The following JPH1 variants were observed in gnomAD, a reference collection of about 807,000 sequenced individuals.
JPH1 encodes the protein junctophilin 1.
A neutral mutation model predicts 53.6 loss-of-function variants in JPH1; 12 were observed. The observed-to-expected ratio is 0.22, with a 90% confidence interval of 0.14 to 0.36. The LOEUF (loss-of-function observed/expected upper bound fraction) is 0.36, where lower values mean the gene tolerates loss of function less well. JPH1 is among the 10% of genes least tolerant of loss of function. The pLI is 1.00. For missense variants in JPH1, 808 were observed against 905.5 expected (o/e 0.89, Z 1.38); for synonymous variants, 375 against 363.8 (o/e 1.03, Z -0.35).
Position 74,318,501 on chromosome 8 carries a change from A to T in JPH1, c.379+2408T>A, listed in dbSNP as rs1013061222. Among the ~76,000 whole-genome samples, 7 of 152,342 alleles carry T rather than the reference A, an allele frequency of 4.6e-5. No individual in the cohort carries two copies. The East Asian group carries it at 1.3e-3, about 29-fold the overall frequency. The stretch of plus-strand genomic sequence containing the variant: ...GTACAGATCAGAATTAGCACAAAAA[A>T]TTCTGGGCACCTAGACTTGGATTTC... On this transcript the variant is annotated intron_variant, in intron 1 of 5. Coordinates refer to ENST00000342232, the MANE Select transcript of JPH1 (RefSeq NM_020647.4).
chr8:74,238,295 G>A (rs887883769), intron 4 of JPH1, among the ~76,000 whole-genome samples: 15 of 152,108 alleles, frequency 9.9e-5, no homozygotes, highest in African/African-American at 3.4e-4. Flanking sequence ...TTTTGGGTGT[G>A]GGGTAAGTGA....
At chr8:74,297,674 A>G (rs189763149) in intron 2 of JPH1, among the ~76,000 whole-genome samples, 18 of 152,352 alleles carry the variant, frequency 1.2e-4, no homozygotes, top group South Asian at 1.0e-3. Context: ...CCATGTGCTC[A>G]TTCTTTTGCT....
Position 74,244,726 on chromosome 8 carries a change from C to T in JPH1, c.1708G>A (p.Gly570Ser), listed in dbSNP as rs1586731260. The T allele has an allele frequency of 1.9e-6, 3 of 1,614,014 alleles. No homozygotes were observed. Among genetic ancestry groups the T allele is most frequent in the Admixed American group, 1.7e-5 (1 of 59,996 alleles). Reference protein sequence around the residue: ...PQHPPVDVEDGDGSSQSSSAL... With the variant: ...PQHPPVDVEDSDGSSQSSSAL... The stretch of plus-strand genomic sequence containing the variant: ...GAGGAAGACTGGCTGGATCCATCGC[C>T]GTCCTCCACGTCTACTGGAGGGTGC... The change falls in exon 4 of 6, where the codon GGC becomes AGC. Residue 570 changes from glycine to serine, a missense_variant. Around this residue, in one of 2 missense-constraint regions of JPH1, gnomAD observed 756 missense variants for 811.9 expected, o/e 0.93. Transcript: ENST00000342232.
intron 2 of JPH1, among the ~76,000 whole-genome samples, chr8:74,287,130 A>C (rs1807185285): frequency 6.6e-6 from 1 of 152,168 alleles, no homozygotes; most frequent in African/African-American, 2.4e-5. Flanking sequence ...GATATGGTTT[A>C]ATAAGAATTA....
intron 2 of JPH1, among the ~76,000 whole-genome samples, chr8:74,265,960 CAG>C (rs1443483819): frequency 1.4e-5 from 2 of 141,686 alleles, no homozygotes; most frequent in Non-Finnish European, 1.5e-5. Flanking sequence ...AAAAAAAAAA[CAG>C]AGAATAACAA....
At chr8:74,279,190 A>T (rs1414815516) in intron 2 of JPH1, among the ~76,000 whole-genome samples, 3 of 152,198 alleles carry the variant, frequency 2.0e-5, no homozygotes, top group African/African-American at 7.2e-5. Flanking sequence ...TCCTTGAGAA[A>T]CAAAGACCTG....
At position 74,315,535 on chromosome 8, in the gene JPH1, G is replaced by C. The variant is rs1808131239; in HGVS notation, c.465C>G (p.Ile155Met). The C allele has an allele frequency of 6.2e-7, 1 of 1,605,950 alleles. No homozygotes were observed. Among genetic ancestry groups the C allele is most frequent in the Non-Finnish European group, 8.5e-7 (1 of 1,177,980 alleles). ...CCAGCGAGGTACGCAGCGGTGAGCG[G>C]ATCACCGTGGCCATGCCGTAGGGCA... is the stretch of plus-strand genomic sequence containing the variant. ...QSVPYGMATV[I>M]RSPLRTSLAS... Residue 155 changes from isoleucine (I) to methionine (M), a missense_variant, in exon 2 of 6, where the codon ATC becomes ATG. Physicochemically the swap from Ile to Met is conservative, Grantham distance 10. This residue lies in a region of JPH1 where 756 missense variants were observed against 811.9 expected (regional missense o/e 0.93). Coordinates refer to ENST00000342232, the MANE Select transcript of JPH1 (RefSeq NM_020647.4). The surrounding 1 kb of genome is among the most constrained non-coding windows in gnomAD (Gnocchi z 6.3).
In JPH1 at chr8:74,275,597, C is replaced by T. The variant is rs536933601; in HGVS notation, c.1140-16094G>A. Among the ~76,000 whole-genome samples the T allele has an allele frequency of 9.2e-5, 14 of 152,200 alleles. No individual in the cohort carries two copies. In the South Asian group the frequency reaches 2.9e-3, roughly 32 times the overall value. ...CTCATTCTTAAAGCCAGCATGACAA[C>T]GAAAAATGTGAGCGGCTCTTTCACC... On this transcript the variant is annotated intron_variant, in intron 2 of 5. Transcript: ENST00000342232.
chr8:74,298,928 A>G (rs1022430), intron 2 of JPH1, among the ~76,000 whole-genome samples: 104,562 of 152,148 alleles, frequency 0.69, 36,398 homozygotes, highest in African/African-American at 0.81. Flanking sequence ...AGCCATTACG[A>G]AACATCAACC....
chr8:74,310,300 A>T (rs1807954912), intron 2 of JPH1, among the ~76,000 whole-genome samples: 1 of 152,118 alleles, frequency 6.6e-6, no homozygotes, highest in Non-Finnish European at 1.5e-5. Context: ...AAAAAAAAAA[A>T]AAAAGGTTGA....
chr8:74,307,068 T>C (rs763287214), intron 2 of JPH1, among the ~76,000 whole-genome samples: 1 of 152,250 alleles, frequency 6.6e-6, no homozygotes, highest in Non-Finnish European at 1.5e-5. Context: ...TTTTGATACA[T>C]GCTCACATCT....
At chr8:74,314,742 G>A (rs1447980706) in intron 2 of JPH1, 119 bp downstream of exon 2, 5 of 1,188,612 alleles carry the variant, frequency 4.2e-6, no homozygotes, top group Non-Finnish European at 4.8e-6. Context: ...TTTCACCTTT[G>A]ATTTTTTAGT....
At chr8:74,242,313 C>T (rs1438276431) in intron 4 of JPH1, among the ~76,000 whole-genome samples, 6 of 152,164 alleles carry the variant, frequency 3.9e-5, no homozygotes, top group Admixed American at 2.0e-4. Flanking sequence ...ATTTATTCTG[C>T]GCTAGGCACT....
At chr8:74,252,462 A>C (rs907758070) in intron 3 of JPH1, among the ~76,000 whole-genome samples, 4 of 152,094 alleles carry the variant, frequency 2.6e-5, no homozygotes, top group Non-Finnish European at 4.4e-5. Flanking sequence ...GAAAGAACTC[A>C]AGGCTAGGAA....
chr8:74,239,834 T>A (rs1038511130), intron 4 of JPH1, among the ~76,000 whole-genome samples: 3 of 152,218 alleles, frequency 2.0e-5, no homozygotes, highest in Admixed American at 2.0e-4. Flanking sequence ...AAAAAATTTT[T>A]AATTTTTGTG....
chr8:74,297,906 G>T (rs950744543), intron 2 of JPH1, among the ~76,000 whole-genome samples: 1 of 136,676 alleles, frequency 7.3e-6, no homozygotes, highest in African/African-American at 2.8e-5. Context: ...ATTATATAGA[G>T]AAATTACATT....
chr8:74,251,116 C>T (rs1229308823), intron 3 of JPH1, among the ~76,000 whole-genome samples: 1 of 152,166 alleles, frequency 6.6e-6, no homozygotes, highest in African/African-American at 2.4e-5. Context: ...TATACCATGG[C>T]CATAGTTCCC....
At chr8:74,295,716 C>A (rs1174294397) in intron 2 of JPH1, among the ~76,000 whole-genome samples, 1 of 152,114 alleles carries the variant, frequency 6.6e-6, no homozygotes, top group East Asian at 1.9e-4. Flanking sequence ...GAGGGCAGGG[C>A]TAGTATCCTG....
intron 3 of JPH1, among the ~76,000 whole-genome samples, chr8:74,255,483 A>G (rs1191050364): frequency 0.014 from 2,175 of 152,086 alleles, 77 homozygotes; most frequent in African/African-American, 0.049. Flanking sequence ...ACATAGGCAT[A>G]GGCAAGGACT....
Sources: gnomAD v4.1 joint callset for allele counts (sites outside exome capture counted in the v4.1 genomes callset) on GRCh38, gnomAD v4.1.1 for gene constraint, gnomAD v4.1.1 regional missense constraint, Gnocchi (gnomAD v3.1) non-coding constraint, MANE v1.5 for transcripts, NCBI Gene and HGNC (gene_info 2026-07-23, HGNC 2026-07-21) for gene names.